The following SLC22A25 variants were observed in gnomAD, a reference collection of about 807,000 sequenced individuals.
SLC22A25 encodes the protein solute carrier family 22 member 25.
In SLC22A25, 44 loss-of-function variants were observed where a neutral mutation model predicts 45.9. The observed-to-expected ratio is 0.96, with a 90% CI of 0.75 to 1.23. The LOEUF is 1.23. Among genes scored for constraint, SLC22A25 ranks in the 50% most tolerant of loss-of-function variants. SLC22A25 has a pLI of 0.00. For missense variants in SLC22A25, 800 were observed against 666.4 expected (o/e 1.20, Z -2.21); for synonymous variants, 283 against 238.6 (o/e 1.19, Z -1.72).
rs752368950 is a variant in SLC22A25 at position 63,207,139 on chromosome 11, A to AATGTAAGACCTAAAGGC, written c.830+10158_830+10174dup. Among the ~76,000 whole-genome samples, 136 of 152,254 alleles carry AATGTAAGACCTAAAGGC rather than the reference A, an allele frequency of 8.9e-4. 1 individual carries two copies. Among genetic ancestry groups the AATGTAAGACCTAAAGGC allele is most frequent in the Non-Finnish European group, 1.7e-3 (116 of 68,042 alleles). On this transcript the variant is annotated intron_variant, in intron 7 of 11. Coordinates refer to ENST00000306494, the MANE Select transcript of SLC22A25 (RefSeq NM_199352.6). The stretch of plus-strand genomic sequence containing the variant: ...TAACTCAGGATGAATTAAAGACTTA[A>AATGTAAGACCTAAAGGC]ATGTAAGACCTAAAGGCATAAAAAC...
Position 63,164,579 on chromosome 11 carries a change from A to G in SLC22A25, c.1341T>C (p.Leu447=). ...LATLGVGAAS[L]GITCSTAQEN... ...CTTGGGCAGTAGAACAGGTAATGCC[A>G]AGAGAAGCAGCTCCCACACCCAGGG... The change falls in exon 11 of 12, where the codon CTT becomes CTC. Residue 447 remains leucine (L), a synonymous_variant. Transcript: ENST00000306494. 1 of 1,613,934 alleles carries G rather than the reference A, an allele frequency of 6.2e-7. No individual in the cohort carries two copies. The highest frequency in any genetic ancestry group is 8.5e-7 in the Non-Finnish European group (1 of 1,179,848).
chr11:63,201,657 T>C (rs1247437701), intron 7 of SLC22A25, among the ~76,000 whole-genome samples: 1 of 152,068 alleles, frequency 6.6e-6, no homozygotes, highest in Non-Finnish European at 1.5e-5. Context: ...AATTGACAAA[T>C]GGCATCTAAC....
At chr11:63,202,916 G>A (rs761411400) in intron 7 of SLC22A25, among the ~76,000 whole-genome samples, 2 of 152,170 alleles carry the variant, frequency 1.3e-5, no homozygotes, top group Non-Finnish European at 2.9e-5. Flanking sequence ...GCTCCAGCTG[G>A]CATCTGGCAG....
At chr11:63,182,545 G>A (rs1159366343) in intron 8 of SLC22A25, among the ~76,000 whole-genome samples, 1 of 151,418 alleles carries the variant, frequency 6.6e-6, no homozygotes, top group African/African-American at 2.4e-5. Flanking sequence ...ATGACATTCA[G>A]TTCCATCTGA....
At chr11:63,183,561 G>T in intron 8 of SLC22A25, 133 bp downstream of exon 8, 1 of 1,132,224 alleles carries the variant, frequency 8.8e-7, no homozygotes, top group Non-Finnish European at 1.3e-6. Flanking sequence ...CACCCATTGA[G>T]AATGATCGTG....
At chr11:63,192,727 GA>G (rs1306734112) in intron 7 of SLC22A25, among the ~76,000 whole-genome samples, 2 of 152,074 alleles carry the variant, frequency 1.3e-5, no homozygotes, top group Non-Finnish European at 2.9e-5. Context: ...CAACAAACAT[GA>G]AATAGAGAAA....
chr11:63,242,269 A>G (rs190479731), intron 1 of SLC22A25, among the ~76,000 whole-genome samples: 174 of 152,342 alleles, frequency 1.1e-3, no homozygotes, highest in Non-Finnish European at 1.8e-3. Context: ...TTAATATAAA[A>G]GGAAGGATGT....
intron 9 of SLC22A25, among the ~76,000 whole-genome samples, chr11:63,172,962 C>T (rs530120176): frequency 4.2e-4 from 64 of 152,038 alleles, no homozygotes; most frequent in African/African-American, 1.4e-3. Flanking sequence ...AGACTTGGAA[C>T]CAACCCAAAT....
chr11:63,221,638 A>G (rs1265761456), intron 5 of SLC22A25, among the ~76,000 whole-genome samples: 2 of 151,872 alleles, frequency 1.3e-5, no homozygotes, highest in African/African-American at 4.8e-5. Flanking sequence ...ACTTGATATG[A>G]TCCAATTTCT....
chr11:63,182,747 C>A (rs1027806797), intron 8 of SLC22A25, among the ~76,000 whole-genome samples: 1 of 152,042 alleles, frequency 6.6e-6, no homozygotes. Context: ...TTTGAAGGAG[C>A]TGTGCTTCCT....
Position 63,163,130 on chromosome 11 carries a change from A to G in SLC22A25, c.*694T>C, listed in dbSNP as rs542238674. ...AGTGTTTGTGTAAACCTTGTGAAGT[A>G]AAAAACCAAGCTCCCAGCCTAGGAT... On this transcript the variant is annotated 3_prime_UTR_variant, in exon 12 of 12. Coordinates refer to ENST00000306494, the MANE Select transcript of SLC22A25 (RefSeq NM_199352.6). Among the ~76,000 whole-genome samples, 7 of 152,342 alleles carry G rather than the reference A, an allele frequency of 4.6e-5. No individual in the cohort carries two copies. In the East Asian group the frequency reaches 5.8e-4, roughly 13 times the overall value.
chr11:63,234,804 C>A (rs1326934258), intron 3 of SLC22A25, among the ~76,000 whole-genome samples: 4 of 152,150 alleles, frequency 2.6e-5, no homozygotes, highest in Admixed American at 6.5e-5. Context: ...TTTAGTGCTT[C>A]CTTCAGGAGC....
rs573320019 is a variant in SLC22A25 at position 63,163,756 on chromosome 11, T to C, written c.*68A>G. On this transcript the variant is annotated 3_prime_UTR_variant, in exon 12 of 12. Coordinates refer to ENST00000306494, the MANE Select transcript of SLC22A25 (RefSeq NM_199352.6). ...GGCAAAGGCACTGACTACATGGGAATAGCCCAGATCTAAGCCTTTTTGGGG... is the reference window on the plus strand; with the variant it reads ...GGCAAAGGCACTGACTACATGGGAACAGCCCAGATCTAAGCCTTTTTGGGG... 1.0e-4 allele frequency: 159 copies of C among 1,537,884 alleles called. No homozygotes were observed. Among genetic ancestry groups the C allele is most frequent in the Non-Finnish European group, 1.3e-4 (153 of 1,145,716 alleles).
At chr11:63,243,265 A>G (rs1476544345) in intron 1 of SLC22A25, 169 bp downstream of exon 1, 1 of 389,846 alleles carries the variant, frequency 2.6e-6, no homozygotes, top group East Asian at 5.5e-5. Flanking sequence ...GATGGTGGCC[A>G]CTTCTGATGG....
chr11:63,203,244 C>T lies in SLC22A25; in HGVS notation c.830+14070G>A, dbSNP rs7925691. Among the ~76,000 whole-genome samples the T allele has an allele frequency of 7.2e-3, 1,095 of 152,094 alleles. 8 individuals are homozygous for T. The highest frequency in any genetic ancestry group is 0.024 in the African/African-American group (1,002 of 41,492). On this transcript the variant is annotated intron_variant, in intron 7 of 11. Transcript: ENST00000306494. Reference sequence around the variant, plus strand: ...GCTGAAAATTCCAAAACCAAGAATGCCTCTTCTCCAAAGGATCACAACTCC... The same window carrying T: ...GCTGAAAATTCCAAAACCAAGAATGTCTCTTCTCCAAAGGATCACAACTCC...
chr11:63,229,251 C>T lies in SLC22A25; in HGVS notation c.402G>A (p.Lys134=), dbSNP rs1187330082. The change falls in exon 4 of 12, where the codon AAG becomes AAA. Residue 134 remains lysine, a splice_region_variant and synonymous_variant. Transcript: ENST00000306494. ...AAGAGAGGAAAATGAGGCCTCTTAC[C>T]TTAGTCACAATGGTGGAAGGGAAGG... ...QSSFPSTIVT[K]WDLVCESQPL... 1 of 1,522,192 alleles carries T rather than the reference C, an allele frequency of 6.6e-7. No individual in the cohort carries two copies. The highest frequency in any genetic ancestry group is 8.8e-7 in the Non-Finnish European group (1 of 1,133,010). 94.3% of individuals were successfully genotyped at this position (1,522,192 alleles called of 1,614,324 possible). A position where few individuals can be genotyped will look rare whatever the true frequency, so the allele number is the denominator to read the frequency against.
Position 63,243,587 on chromosome 11 carries a change from G to T in SLC22A25, c.-1149C>A. 1 of 767,222 alleles carries T rather than the reference G, an allele frequency of 1.3e-6. No homozygotes were observed. The allele number at this position is 767,222 out of a possible 1,614,324, so 47.5% of individuals were successfully genotyped here. ...TACCGACAACTCCATCAAGCCTCAG[G>T]AGCTGCTGGAGTGGGAACTGGTGGT... On this transcript the variant is annotated 5_prime_UTR_variant, in exon 1 of 12. Coordinates refer to ENST00000306494, the MANE Select transcript of SLC22A25 (RefSeq NM_199352.6).
At chr11:63,179,117 C>A (rs961163425) in intron 9 of SLC22A25, among the ~76,000 whole-genome samples, 1 of 151,782 alleles carries the variant, frequency 6.6e-6, no homozygotes. Context: ...CCATGATGCC[C>A]GGCTAATTTT....
At chr11:63,166,002 G>A (rs2087666575) in intron 10 of SLC22A25, 42 bp downstream of exon 10, 1 of 1,602,748 alleles carries the variant, frequency 6.2e-7, no homozygotes, top group African/African-American at 1.3e-5. Flanking sequence ...TGAGAAAAGA[G>A]GGAAAGACAT....
Sources: allele counts gnomAD v4.1 joint callset (sites outside exome capture counted in the v4.1 genomes callset), GRCh38; gene constraint gnomAD v4.1.1; transcripts MANE v1.5; gene names NCBI Gene and HGNC (gene_info 2026-07-23, HGNC 2026-07-21).